Variants in MYO16 observed in about 807,000 individuals in gnomAD.
The protein encoded by MYO16 is unconventional myosin-XVI.
In MYO16, 94 loss-of-function variants were observed where a neutral mutation model predicts 205.3. The observed-to-expected ratio is 0.46, with a 90% CI of 0.39 to 0.54. The LOEUF is 0.54. MYO16 is among the 20% of genes least tolerant of loss of function. The pLI, the probability that MYO16 is intolerant of heterozygous loss-of-function variation, is 0.00. For missense variants in MYO16, 2,315 were observed against 2,387.5 expected (o/e 0.97, Z 0.63); for synonymous variants, 988 against 954.0 (o/e 1.04, Z -0.66).
At chr13:108,540,000 T>G in the MYO16 span, among the ~76,000 whole-genome samples, 1 of 152,252 alleles carries the variant, frequency 6.6e-6, no homozygotes, top group East Asian at 1.9e-4. Flanking sequence ...GCCAAGGTTA[T>G]GCAACCAATG....
chr13:109,062,234 T>C (rs777323141), intron 27 of MYO16, among the ~76,000 whole-genome samples: 3 of 152,226 alleles, frequency 2.0e-5, no homozygotes, highest in Non-Finnish European at 4.4e-5. Context: ...ATAATTTTTA[T>C]ATGTATGCAA....
intron 27 of MYO16, among the ~76,000 whole-genome samples, chr13:109,097,189 C>T (rs1366625581): frequency 2.6e-5 from 4 of 152,204 alleles, no homozygotes; most frequent in East Asian, 1.9e-4. Context: ...ATTAGTTGGG[C>T]GTGGTGGCGG....
At chr13:108,657,626 G>A (rs1239287203) in intron 1 of MYO16, among the ~76,000 whole-genome samples, 1 of 152,026 alleles carries the variant, frequency 6.6e-6, no homozygotes. Context: ...TTAATAAGGT[G>A]GAACATCTTT....
intron 32 of MYO16, 68 bp from the exon 33 acceptor site, chr13:109,164,812 GATGTTTTATTATTTTCTCCAA>G (rs1878562955): frequency 1.6e-6 from 1 of 625,404 alleles, no homozygotes; most frequent in African/African-American, 1.9e-5. Flanking sequence ...TGTTTGATTT[GATGTTTTATTATTTTCTCCAA>G]ATGTTTTATT....
chr13:108,787,205 T>C (rs930019486), intron 5 of MYO16, among the ~76,000 whole-genome samples: 6 of 152,190 alleles, frequency 3.9e-5, no homozygotes, highest in African/African-American at 1.4e-4. Flanking sequence ...AGGTGATGGA[T>C]ATATTTATGG....
chr13:108,636,346 CTTTT>C (rs71125326), intron 1 of MYO16, among the ~76,000 whole-genome samples: 2,487 of 80,294 alleles, frequency 0.031, 39 homozygotes, highest in East Asian at 0.092. Flanking sequence ...AAATATTTCC[CTTTT>C]TTTTTTTTTT....
intron 9 of MYO16, among the ~76,000 whole-genome samples, chr13:108,832,786 G>A (rs887146804): frequency 6.6e-5 from 10 of 152,092 alleles, no homozygotes; most frequent in African/African-American, 1.9e-4. Flanking sequence ...CATTTGATAT[G>A]TATGTGTAAT....
At chr13:109,025,149 C>T (rs1886323334) in intron 23 of MYO16, among the ~76,000 whole-genome samples, 1 of 152,148 alleles carries the variant, frequency 6.6e-6, no homozygotes, top group African/African-American at 2.4e-5. Flanking sequence ...CTTGCTCCTC[C>T]ACGATGGGAT....
intron 1 of MYO16, among the ~76,000 whole-genome samples, chr13:108,616,440 T>C (rs1047807651): frequency 6.6e-6 from 1 of 152,116 alleles, no homozygotes; most frequent in Non-Finnish European, 1.5e-5. Flanking sequence ...GAACTGTGGA[T>C]GGTATCAACT....
At chr13:109,001,864 G>C (rs1215660571) in intron 21 of MYO16, among the ~76,000 whole-genome samples, 1 of 152,092 alleles carries the variant, frequency 6.6e-6, no homozygotes, top group African/African-American at 2.4e-5. Context: ...CACAATTAGT[G>C]TTCTGCTGAA....
intron 22 of MYO16, among the ~76,000 whole-genome samples, chr13:109,017,900 G>A (rs540855475): frequency 1.3e-5 from 2 of 152,194 alleles, no homozygotes; most frequent in African/African-American, 2.4e-5. Flanking sequence ...TCTTTGTGAT[G>A]GGTTTGAACA....
intron 4 of MYO16, among the ~76,000 whole-genome samples, chr13:108,744,382 T>G (rs1390824385): frequency 6.6e-6 from 1 of 152,252 alleles, no homozygotes; most frequent in Non-Finnish European, 1.5e-5. Flanking sequence ...TCAGTCATTC[T>G]ATAAGCCTTT....
intron 10 of MYO16, 97 bp from the exon 11 acceptor site, chr13:108,855,346 C>T: frequency 1.9e-6 from 1 of 527,794 alleles, no homozygotes; most frequent in Non-Finnish European, 3.1e-6. Context: ...AGGTTGTCTT[C>T]AAATGTTTGA....
At chr13:109,198,659 T>G (rs898613565) in intron 34 of MYO16, among the ~76,000 whole-genome samples, 2 of 152,190 alleles carry the variant, frequency 1.3e-5, no homozygotes, top group Admixed American at 6.5e-5. Flanking sequence ...GTTTAAGGAT[T>G]TTGTTCAAGT....
intron 1 of MYO16, among the ~76,000 whole-genome samples, chr13:108,640,491 G>A (rs75759001): frequency 0.068 from 10,334 of 152,178 alleles, 553 homozygotes; most frequent in African/African-American, 0.14. Flanking sequence ...GGAGGAGGTT[G>A]TGCCACTCCA....
chr13:108,526,057 C>G, the MYO16 span, among the ~76,000 whole-genome samples: 403 of 151,958 alleles, frequency 2.7e-3, 3 homozygotes, highest in African/African-American at 9.1e-3. Context: ...GGATGACCAA[C>G]CTCTAGTGAC....
chr13:108,761,295 T>C (rs1489052093), intron 4 of MYO16, among the ~76,000 whole-genome samples: 3 of 152,042 alleles, frequency 2.0e-5, no homozygotes, highest in Non-Finnish European at 4.4e-5. Context: ...TCTGATGTCT[T>C]ATGCCGTCCT....
chr13:108,683,968 C>G (rs560123107), intron 2 of MYO16, among the ~76,000 whole-genome samples: 10 of 152,172 alleles, frequency 6.6e-5, no homozygotes, highest in African/African-American at 2.4e-4. Context: ...CTCCGCCTCC[C>G]GGGTTTAAGT....
chr13:109,160,057 G>A (rs543588013), intron 32 of MYO16, among the ~76,000 whole-genome samples: 1 of 152,202 alleles, frequency 6.6e-6, no homozygotes, highest in African/African-American at 2.4e-5. Flanking sequence ...TTCTAGGTTG[G>A]GGGACCGTCC....
Sources: gnomAD v4.1 joint callset for allele counts (sites outside exome capture counted in the v4.1 genomes callset) on GRCh38, gnomAD v4.1.1 for gene constraint, MANE v1.5 for transcripts, NCBI Gene and HGNC (gene_info 2026-07-23, HGNC 2026-07-21) for gene names.